Variants in TMEM94 observed in about 807,000 individuals in gnomAD.
TMEM94 encodes transmembrane protein 94.
TMEM94 carries 81 observed loss-of-function variants against 158.6 expected under a neutral mutation model. The observed-to-expected ratio is 0.51, with a 90% confidence interval of 0.43 to 0.61. The LOEUF (loss-of-function observed/expected upper bound fraction) is 0.61. Among genes scored for constraint, TMEM94 ranks in the 20% least tolerant of loss-of-function variants. The pLI is 0.00. For missense variants in TMEM94, 1,435 were observed against 1,762.0 expected (o/e 0.81, Z 3.32); for synonymous variants, 751 against 730.7 (o/e 1.03, Z -0.45).
chr17:75,488,984 G>A (rs1280546654), intron 7 of TMEM94, 74 bp downstream of exon 7: 3 of 1,486,832 alleles, frequency 2.0e-6, no homozygotes, highest in Middle Eastern at 1.9e-4. Context: ...ACAAGGAAGG[G>A]GCCCCGTTCA....
intron 1 of TMEM94, among the ~76,000 whole-genome samples, chr17:75,470,838 G>C (rs1209382211): frequency 1.3e-5 from 2 of 151,530 alleles, no homozygotes; most frequent in Non-Finnish European, 2.9e-5. Flanking sequence ...AGAATCACTT[G>C]AGCCCAGGAA....
intron 1 of TMEM94, among the ~76,000 whole-genome samples, chr17:75,463,034 AAAAATATATATAT>A (rs1276064065): frequency 7.9e-4 from 3 of 3,776 alleles, no homozygotes; most frequent in Non-Finnish European, 1.6e-3. Context: ...AAAAAAAAAA[AAAAATATATATAT>A]ATATATATAT....
intron 4 of TMEM94, 135 bp downstream of exon 4, chr17:75,486,133 C>T: frequency 7.6e-6 from 11 of 1,441,792 alleles, no homozygotes; most frequent in Non-Finnish European, 1.0e-5. Context: ...CTCCTCAGTC[C>T]CTTGAATGGG....
Position 75,498,281 on chromosome 17 carries a change from G to C in TMEM94, c.3596G>C (p.Arg1199Pro). ...CTGCAGAGCTTCTGTGACAGCTCCCGGGACCGCAACCTCACCAACTGCTCC... is the reference window on the plus strand; with the variant it reads ...CTGCAGAGCTTCTGTGACAGCTCCCCGGACCGCAACCTCACCAACTGCTCC... ...FTLQSFCDSS[R>P]DRNLTNCSSV... Residue 1199 changes from arginine to proline, a missense_variant, in exon 28 of 32, where the codon CGG (arginine) becomes CCG (proline). Transcript: ENST00000314256. The surrounding 1 kb of genome is among the most constrained non-coding windows in gnomAD (Gnocchi z 6.7). The C allele has an allele frequency of 6.2e-7, 1 of 1,613,378 alleles. No individual in the cohort carries two copies. The highest frequency in any genetic ancestry group is 8.5e-7 in the Non-Finnish European group (1 of 1,180,014).
intron 1 of TMEM94, among the ~76,000 whole-genome samples, chr17:75,465,292 G>A (rs930236413): frequency 2.6e-5 from 4 of 151,546 alleles, no homozygotes; most frequent in Admixed American, 6.6e-5. Flanking sequence ...AATTACAGGC[G>A]TGAGCCACCA....
chr17:75,477,495 C>T (rs148722654), intron 2 of TMEM94, among the ~76,000 whole-genome samples: 4 of 152,148 alleles, frequency 2.6e-5, no homozygotes, highest in African/African-American at 7.2e-5. Flanking sequence ...GCGATCCACC[C>T]GCCTCGGCCT....
chr17:75,493,201 G>A (rs1296015164), intron 16 of TMEM94, 99 bp downstream of exon 16: 1 of 1,285,692 alleles, frequency 7.8e-7, no homozygotes, highest in African/African-American at 1.5e-5. Flanking sequence ...GGCCTGGGCA[G>A]ATGAAAAGTA....
At chr17:75,465,135 TC>T (rs2050257524) in intron 1 of TMEM94, among the ~76,000 whole-genome samples, 1 of 151,950 alleles carries the variant, frequency 6.6e-6, no homozygotes, top group Non-Finnish European at 1.5e-5. Context: ...TCAGTCTTTT[TC>T]ATTTTAGTCG....
rs891515171 is a variant in TMEM94 at position 75,487,737 on chromosome 17, G to A, written c.410-195G>A. 2.0e-5 allele frequency among the ~76,000 whole-genome samples: 3 copies of A among 152,130 alleles called. No homozygotes were observed. The highest frequency in any genetic ancestry group is 4.4e-5 in the Non-Finnish European group (3 of 68,018). On this transcript the variant is annotated intron_variant, in intron 5 of 31. Coordinates refer to ENST00000314256, the MANE Select transcript of TMEM94 (RefSeq NM_014738.6). The surrounding 1 kb of genome is among the most constrained non-coding windows in gnomAD (Gnocchi z 4.6). ...GTTGAGAGGAGGTAGAGGCTCTGGG[G>A]CTGGAGTGGCCGGGTAGGGCTTTAT...
At chr17:75,467,601 C>T (rs1023484791) in intron 1 of TMEM94, among the ~76,000 whole-genome samples, 3 of 145,516 alleles carry the variant, frequency 2.1e-5, no homozygotes, top group African/African-American at 5.1e-5. Context: ...GGCGCAATCT[C>T]GGCTCACTGC....
At chr17:75,480,035 G>A (rs762340726) in intron 2 of TMEM94, among the ~76,000 whole-genome samples, 1 of 151,422 alleles carries the variant, frequency 6.6e-6, no homozygotes, top group East Asian at 2.0e-4. Context: ...GCAGGGAGCC[G>A]AGATTGTGCC....
chr17:75,480,533 G>A (rs1280351443), intron 2 of TMEM94, among the ~76,000 whole-genome samples: 1 of 152,214 alleles, frequency 6.6e-6, no homozygotes, highest in Non-Finnish European at 1.5e-5. Context: ...TGGCCAGGCG[G>A]GGTGAGGAGG....
intron 1 of TMEM94, among the ~76,000 whole-genome samples, chr17:75,462,651 G>A (rs1384794811): frequency 6.6e-6 from 1 of 150,654 alleles, no homozygotes; most frequent in Non-Finnish European, 1.5e-5. Context: ...AGACCAGCCT[G>A]GTCAACATAA....
rs943609832 is a variant in TMEM94, at chr17:75,489,495, G to C, written c.868-81G>C. 6.7e-7 allele frequency: 1 copy of C among 1,492,760 alleles called. No individual in the cohort carries two copies. The highest frequency in any genetic ancestry group is 2.3e-5 in the East Asian group (1 of 44,260). 92.5% of individuals were successfully genotyped at this position (1,492,760 alleles called of 1,614,324 possible). A position where few individuals can be genotyped will look rare whatever the true frequency, so the allele number is the denominator to read the frequency against. ...GTCCCAGAGTGAGCCAGCCTGTGGA[G>C]TAGCAAAGGAAGGGGAACGGCAGTG... On this transcript the variant is annotated intron_variant, in intron 8 of 31. Coordinates refer to ENST00000314256, the MANE Select transcript of TMEM94 (RefSeq NM_014738.6). The surrounding 1 kb of genome is among the most constrained non-coding windows in gnomAD (Gnocchi z 5.0).
intron 2 of TMEM94, chr17:75,476,569 C>T: frequency 2.0e-6 from 3 of 1,471,356 alleles, no homozygotes; most frequent in Admixed American, 2.3e-5. Flanking sequence ...CTTGCTCACA[C>T]ACTCTCAGCT....
chr17:75,494,997 C>T lies in TMEM94; in HGVS notation c.2691C>T (p.Pro897=). 6.2e-7 allele frequency: 1 copy of T among 1,613,404 alleles called. No individual in the cohort carries two copies. The highest frequency in any genetic ancestry group is 8.5e-7 in the Non-Finnish European group (1 of 1,180,004). The change falls in exon 20 of 32, where the codon CCC becomes CCT. Residue 897 remains proline (P), a synonymous_variant. Coordinates refer to ENST00000314256, the MANE Select transcript of TMEM94 (RefSeq NM_014738.6). The stretch of plus-strand genomic sequence containing the variant: ...GCTCCGAGATCCCCCCCTCCAGCCC[C>T]AGCCACGCAGGCTCCCTGCATGATG... The part of the protein sequence containing the change: ...MPGSEIPPSS[P]SHAGSLHDDL...
At chr17:75,490,661 G>A (rs371327060) in intron 10 of TMEM94, 41 bp from the exon 11 acceptor site, 8 of 1,581,460 alleles carry the variant, frequency 5.1e-6, no homozygotes, top group Admixed American at 1.7e-5. Context: ...GTGTGAAGGC[G>A]GCGTTTTCCT....
intron 2 of TMEM94, among the ~76,000 whole-genome samples, chr17:75,482,285 G>A (rs1363099368): frequency 6.6e-6 from 1 of 151,950 alleles, no homozygotes; most frequent in Non-Finnish European, 1.5e-5. Flanking sequence ...GGCAGAAGTT[G>A]CAGTGAGCTG....
chr17:75,499,344 T>TGTG lies in TMEM94; in HGVS notation c.*15_*17dup. 1.2e-6 allele frequency: 2 copies of TGTG among 1,612,176 alleles called. No homozygotes were observed. Among genetic ancestry groups the TGTG allele is most frequent in the Non-Finnish European group, 1.7e-6 (2 of 1,178,696 alleles). On this transcript the variant is annotated 3_prime_UTR_variant, in exon 32 of 32. Transcript: ENST00000314256. ...GAACTCTCCCTTCTGAGCCACTGGC[T>TGTG]GTGGTGGCTGTAGTTGCCCCCGTCC... is the stretch of plus-strand genomic sequence containing the variant.
Sources: allele counts gnomAD v4.1 joint callset (sites outside exome capture counted in the v4.1 genomes callset), GRCh38; gene constraint gnomAD v4.1.1; non-coding constraint Gnocchi (gnomAD v3.1); transcripts MANE v1.5; gene names NCBI Gene and HGNC (gene_info 2026-07-23, HGNC 2026-07-21).